Variants in ELP3 observed in about 807,000 individuals in gnomAD.
ELP3 encodes elongator acetyltransferase complex subunit 3, also known as elongator complex protein 3.
ELP3 carries 56 observed loss-of-function variants against 74.9 expected under a neutral mutation model. The ratio of observed to expected loss-of-function variants is 0.75; its 90% CI spans 0.60 to 0.93. ELP3 has a LOEUF of 0.93. Ranked by LOEUF, ELP3 falls within the 40% of genes least tolerant of loss-of-function variation. The pLI is 0.00. For synonymous variants in ELP3, 222 were observed against 239.8 expected, an observed-to-expected ratio of 0.93 and a Z score of 0.68; for missense variants, 573 against 686.5, an observed-to-expected ratio of 0.83 and a Z score of 1.85.
intron 14 of ELP3, among the ~76,000 whole-genome samples, chr8:28,168,555 T>C (rs1356368394): frequency 1.3e-5 from 2 of 152,230 alleles, no homozygotes; most frequent in African/African-American, 4.8e-5. Context: ...TGATTCCTAA[T>C]AACATTCCTG....
At chr8:28,145,702 C>T (rs1813405488) in intron 10 of ELP3, among the ~76,000 whole-genome samples, 1 of 152,224 alleles carries the variant, frequency 6.6e-6, no homozygotes, top group Non-Finnish European at 1.5e-5. Flanking sequence ...CAGCTCACTG[C>T]AACCTCCGCC....
At chr8:28,183,627 G>C (rs1815110419) in intron 14 of ELP3, among the ~76,000 whole-genome samples, 2 of 152,146 alleles carry the variant, frequency 1.3e-5, no homozygotes, top group Admixed American at 6.5e-5. Context: ...GTTTTGCCAT[G>C]TTGCCCAGGC....
At chr8:28,113,751 A>G (rs896846538) in intron 7 of ELP3, 1 of 152,180 alleles carries the variant, frequency 6.6e-6, no homozygotes, top group Non-Finnish European at 1.5e-5. Context: ...ACGTCATCAC[A>G]CGGCAAAAGA....
chr8:28,093,502 C>T (rs573316316), intron 1 of ELP3: 3 of 551,750 alleles, frequency 5.4e-6, no homozygotes, highest in Non-Finnish European at 6.4e-6. Context: ...CCAATATATG[C>T]CCTCCGAGGA....
chr8:28,117,732 G>GA (rs557633020), intron 7 of ELP3, among the ~76,000 whole-genome samples: 60 of 146,934 alleles, frequency 4.1e-4, no homozygotes, highest in South Asian at 3.0e-3. Context: ...AGATCATCTG[G>GA]AAAAAAAAAA....
rs151336362 is a variant in ELP3, at chr8:28,116,929, G to A, written c.617+3756G>A. On this transcript the variant is annotated intron_variant, in intron 7 of 14. Coordinates refer to ENST00000256398, the MANE Select transcript of ELP3 (RefSeq NM_018091.6). Reference sequence around the variant, plus strand: ...AACCTTTATTAGTTCAAAGCCAGGCGACGGGGATGGCAGCAGAAGGTTCTC... The same window carrying A: ...AACCTTTATTAGTTCAAAGCCAGGCAACGGGGATGGCAGCAGAAGGTTCTC... Among the ~76,000 whole-genome samples, 14 of 152,268 alleles carry A rather than the reference G, an allele frequency of 9.2e-5. No homozygotes were observed. In the East Asian group the frequency reaches 1.7e-3, roughly 19 times the overall value.
At chr8:28,149,171 T>C (rs1481736167) in intron 10 of ELP3, among the ~76,000 whole-genome samples, 2 of 152,224 alleles carry the variant, frequency 1.3e-5, no homozygotes, top group Non-Finnish European at 2.9e-5. Flanking sequence ...GGTATTTTGT[T>C]AGAGCAGCTC....
rs914162310 is a variant in ELP3, at chr8:28,130,975, G to A, written c.780-1303G>A. On this transcript the variant is annotated intron_variant, in intron 8 of 14. Transcript: ENST00000256398. ...ATCTAATGGAGCAAGCCACCAGCACGCATAAAGCTACAATGTGATGGAGCA... is the reference window on the plus strand; with the variant it reads ...ATCTAATGGAGCAAGCCACCAGCACACATAAAGCTACAATGTGATGGAGCA... Among the ~76,000 whole-genome samples, 10 of 152,312 alleles carry A rather than the reference G, an allele frequency of 6.6e-5. No individual in the cohort carries two copies. In the East Asian group the frequency reaches 1.3e-3, roughly 21 times the overall value.
intron 10 of ELP3, among the ~76,000 whole-genome samples, chr8:28,142,439 TG>T (rs1380555549): frequency 6.6e-6 from 1 of 151,952 alleles, no homozygotes; most frequent in African/African-American, 2.4e-5. Context: ...GAGTGAGGAG[TG>T]GTACAGGTGG....
In ELP3 at chr8:28,144,418, T is replaced by C. The variant is rs373929111; in HGVS notation, c.1100+6527T>C. The stretch of plus-strand genomic sequence containing the variant: ...TGAGCCTAGGAGTTCAAGACCAGCC[T>C]GGGAAACACGGTGAAACCTCATCTC... On this transcript the variant is annotated intron_variant, in intron 10 of 14. Transcript: ENST00000256398. Among the ~76,000 whole-genome samples the C allele has an allele frequency of 2.1e-4, 32 of 152,294 alleles. 1 individual carries two copies. The South Asian group carries it at 4.1e-3, about 20-fold the overall frequency.
intron 14 of ELP3, among the ~76,000 whole-genome samples, chr8:28,169,407 G>C (rs979640736): frequency 1.1e-4 from 16 of 152,202 alleles, no homozygotes; most frequent in African/African-American, 3.9e-4. Flanking sequence ...GTGATGTCAA[G>C]GGCCTCAGCT....
intron 3 of ELP3, among the ~76,000 whole-genome samples, 161 bp from the exon 4 acceptor site, chr8:28,106,539 CAAAAAAAAAAAAA>C (rs61714722): frequency 1.8e-5 from 2 of 112,698 alleles, no homozygotes; most frequent in Admixed American, 1.6e-4. Flanking sequence ...GACTCCGTCT[CAAAAAAAAAAAAA>C]AAAAAAAAAA....
intron 1 of ELP3, 86 bp downstream of exon 1, chr8:28,093,319 C>A: frequency 6.4e-7 from 1 of 1,552,818 alleles, no homozygotes; most frequent in South Asian, 1.2e-5. Context: ...GAACTTTTAC[C>A]GCGAGAATCC....
intron 11 of ELP3, 28 bp from the exon 12 acceptor site, chr8:28,158,540 C>T (rs752520635): frequency 2.7e-6 from 4 of 1,508,880 alleles, no homozygotes; most frequent in African/African-American, 2.8e-5. Flanking sequence ...CACCCCCCAA[C>T]CCCGCTCACG....
intron 14 of ELP3, among the ~76,000 whole-genome samples, chr8:28,181,055 C>A (rs1227351223): frequency 2.6e-5 from 4 of 152,162 alleles, no homozygotes; most frequent in African/African-American, 9.7e-5. Context: ...CTAGATCAAA[C>A]ACTTCTACTC....
At chr8:28,161,177 C>T (rs1326571946) in intron 13 of ELP3, among the ~76,000 whole-genome samples, 1 of 152,186 alleles carries the variant, frequency 6.6e-6, no homozygotes, top group African/African-American at 2.4e-5. Flanking sequence ...TAATAGCTCA[C>T]TTTTAAAAAT....
intron 10 of ELP3, among the ~76,000 whole-genome samples, chr8:28,146,395 A>T (rs1300719443): frequency 2.0e-5 from 3 of 152,238 alleles, no homozygotes; most frequent in Non-Finnish European, 2.9e-5. Context: ...CAGACAAAAA[A>T]AGGCCTAGAC....
intron 7 of ELP3, among the ~76,000 whole-genome samples, chr8:28,117,358 G>A (rs1346273244): frequency 1.3e-5 from 2 of 152,128 alleles, no homozygotes; most frequent in East Asian, 3.8e-4. Flanking sequence ...GTGCTTGAAT[G>A]TAAGTTTTCC....
chr8:28,165,941 GA>G (rs1814290499), intron 14 of ELP3, among the ~76,000 whole-genome samples: 1 of 152,126 alleles, frequency 6.6e-6, no homozygotes, highest in East Asian at 1.9e-4. Context: ...TGAGAAAATT[GA>G]AAACTTTCTC....
Sources: allele counts gnomAD v4.1 joint callset (sites outside exome capture counted in the v4.1 genomes callset), GRCh38; gene constraint gnomAD v4.1.1; transcripts MANE v1.5; gene names NCBI Gene and HGNC (gene_info 2026-07-23, HGNC 2026-07-21).